The following DLG2 variants were observed in gnomAD, a reference collection of about 807,000 sequenced individuals.
The protein encoded by DLG2 is discs large MAGUK scaffold protein 2, also known as disks large homolog 2.
DLG2 carries 45 observed loss-of-function variants against 132.5 expected under a neutral mutation model. That is an observed-to-expected ratio of 0.34 (90% CI 0.27 to 0.44). The LOEUF is 0.44. DLG2 is among the 20% of genes least tolerant of loss of function. The pLI, the probability that DLG2 is intolerant of heterozygous loss-of-function variation, is 1.00. For synonymous variants in DLG2, 424 were observed against 419.6 expected, an observed-to-expected ratio of 1.01 and a Z score of -0.13; for missense variants, 1,045 against 1,196.9, an observed-to-expected ratio of 0.87 and a Z score of 1.87.
intron 3 of DLG2, among the ~76,000 whole-genome samples, chr11:85,373,340 G>T (rs887805625): frequency 1.3e-5 from 2 of 152,084 alleles, no homozygotes; most frequent in African/African-American, 4.8e-5. Flanking sequence ...CACACAACTG[G>T]AGCCTCAGAT....
intron 6 of DLG2, among the ~76,000 whole-genome samples, chr11:85,081,233 A>G (rs2067188150): frequency 6.6e-6 from 1 of 152,204 alleles, no homozygotes; most frequent in African/African-American, 2.4e-5. Flanking sequence ...TGAGTTAATC[A>G]GACATGGGAA....
intron 8 of DLG2, among the ~76,000 whole-genome samples, chr11:84,166,555 C>T (rs1391648479): frequency 2.8e-5 from 4 of 144,682 alleles, no homozygotes; most frequent in African/African-American, 5.2e-5. Flanking sequence ...AAAAACAATA[C>T]CTCGATCTTA....
At chr11:84,776,899 T>C (rs1378673348) in intron 6 of DLG2, among the ~76,000 whole-genome samples, 2 of 152,146 alleles carry the variant, frequency 1.3e-5, no homozygotes, top group Non-Finnish European at 2.9e-5. Flanking sequence ...TATTTTTCTT[T>C]TTTATTTGTA....
chr11:84,799,731 A>G (rs1374755206), intron 6 of DLG2, among the ~76,000 whole-genome samples: 1 of 152,146 alleles, frequency 6.6e-6, no homozygotes, highest in Admixed American at 6.5e-5. Context: ...ACGGCACTGT[A>G]AAGTGTTAAA....
chr11:83,715,712 G>A (rs892835779), intron 18 of DLG2, among the ~76,000 whole-genome samples: 2 of 152,072 alleles, frequency 1.3e-5, no homozygotes, highest in African/African-American at 2.4e-5. Flanking sequence ...TCTGATTCAG[G>A]TCCTTCCTAG....
intron 10 of DLG2, among the ~76,000 whole-genome samples, chr11:84,084,783 G>T (rs887889415): frequency 3.3e-5 from 5 of 152,088 alleles, no homozygotes; most frequent in African/African-American, 1.2e-4. Context: ...AGTTTAAAGA[G>T]AATCCCTCAC....
chr11:83,942,540 T>G (rs1451174663), intron 14 of DLG2, among the ~76,000 whole-genome samples: 1 of 152,144 alleles, frequency 6.6e-6, no homozygotes, highest in East Asian at 1.9e-4. Flanking sequence ...CTAAATGACA[T>G]TAAGAATTAT....
chr11:84,672,696 T>C (rs2099707189), intron 6 of DLG2, among the ~76,000 whole-genome samples: 1 of 152,176 alleles, frequency 6.6e-6, no homozygotes, highest in African/African-American at 2.4e-5. Flanking sequence ...CCTCTCATTC[T>C]TCCCTGTTAC....
At chr11:84,778,995 C>T (rs928968178) in intron 6 of DLG2, among the ~76,000 whole-genome samples, 1 of 152,254 alleles carries the variant, frequency 6.6e-6, no homozygotes, top group Non-Finnish European at 1.5e-5. Flanking sequence ...CAGTGGTTTG[C>T]CAGGGGCTCT....
At chr11:85,118,052 T>A (rs192611447) in intron 5 of DLG2, among the ~76,000 whole-genome samples, 158 of 152,200 alleles carry the variant, frequency 1.0e-3, no homozygotes, top group Non-Finnish European at 2.9e-4. Flanking sequence ...AGTGTTAACT[T>A]TTTTCATTCA....
intron 3 of DLG2, among the ~76,000 whole-genome samples, chr11:85,482,658 A>G (rs939292348): frequency 6.6e-6 from 1 of 152,188 alleles, no homozygotes; most frequent in African/African-American, 2.4e-5. Context: ...GGCCAGCCTA[A>G]TGGTCCCAGG....
intron 7 of DLG2, among the ~76,000 whole-genome samples, chr11:84,364,060 G>C (rs1172074339): frequency 6.6e-6 from 1 of 152,076 alleles, no homozygotes; most frequent in South Asian, 2.1e-4. Flanking sequence ...GTCATTGGTA[G>C]CTTGATGGGG....
chr11:84,059,301 T>C lies in DLG2; in HGVS notation c.919+14A>G, dbSNP rs2096554259. On this transcript the variant is annotated intron_variant, in intron 11 of 27. Transcript: ENST00000376104. ...TTGTCACTAGTGTCTGTGAGTCATT[T>C]ATATTTTGATTACCTTTAGGGCCTT... The C allele has an allele frequency of 1.9e-6, 3 of 1,611,716 alleles. No homozygotes were observed. Among genetic ancestry groups the C allele is most frequent in the Non-Finnish European group, 2.5e-6 (3 of 1,178,978 alleles).
intron 8 of DLG2, among the ~76,000 whole-genome samples, chr11:84,176,790 G>A (rs2095981413): frequency 6.6e-6 from 1 of 152,040 alleles, no homozygotes; most frequent in Admixed American, 6.6e-5. Context: ...TCTGTCACAG[G>A]GTCAACTGGG....
intron 5 of DLG2, among the ~76,000 whole-genome samples, chr11:85,147,107 C>G (rs906035971): frequency 6.6e-6 from 1 of 152,190 alleles, no homozygotes; most frequent in Non-Finnish European, 1.5e-5. Context: ...GTGGTATAGG[C>G]AATGCGAAAC....
intron 18 of DLG2, among the ~76,000 whole-genome samples, chr11:83,665,998 AT>A (rs1393588268): frequency 1.3e-5 from 2 of 151,324 alleles, no homozygotes; most frequent in African/African-American, 4.8e-5. Context: ...CTCCCCCATG[AT>A]TTTTTTTTAC....
chr11:84,319,107 A>G (rs2098387620), intron 7 of DLG2, among the ~76,000 whole-genome samples: 3 of 152,224 alleles, frequency 2.0e-5, no homozygotes, highest in African/African-American at 7.2e-5. Flanking sequence ...GAAATAACAA[A>G]GGCATTAATA....
intron 4 of DLG2, among the ~76,000 whole-genome samples, chr11:85,263,755 G>A (rs915845430): frequency 6.6e-6 from 1 of 152,214 alleles, no homozygotes; most frequent in Non-Finnish European, 1.5e-5. Context: ...GCTGTCCAAT[G>A]AGAGATTGGA....
Position 85,172,843 on chromosome 11 carries a change from A to T in DLG2, c.187-18192T>A, listed in dbSNP as rs564621432. ...CAATGCGACCACAAGTATCAATAGCAGCATAGACCAAGCAGAGGAAAGAAT... is the reference window on the plus strand; with the variant it reads ...CAATGCGACCACAAGTATCAATAGCTGCATAGACCAAGCAGAGGAAAGAAT... On this transcript the variant is annotated intron_variant, in intron 4 of 27. Coordinates refer to ENST00000376104, the MANE Select transcript of DLG2 (RefSeq NM_001142699.3). Among the ~76,000 whole-genome samples the T allele has an allele frequency of 2.0e-5, 3 of 152,318 alleles. No homozygotes were observed. In the East Asian group the frequency reaches 5.8e-4, roughly 29 times the overall value.
Sources: allele counts gnomAD v4.1 joint callset (sites outside exome capture counted in the v4.1 genomes callset), GRCh38; gene constraint gnomAD v4.1.1; transcripts MANE v1.5; gene names NCBI Gene and HGNC (gene_info 2026-07-23, HGNC 2026-07-21).